DLK1: variants seen among roughly 807,000 people sequenced by gnomAD.
DLK1 encodes protein delta homolog 1.
In DLK1, 9 loss-of-function variants were observed where a neutral mutation model predicts 35.2. The ratio of observed to expected loss-of-function variants is 0.26; its 90% confidence interval spans 0.15 to 0.45. The LOEUF is 0.45. DLK1 is among the 20% of genes least tolerant of loss of function. DLK1 has a pLI of 1.00. For missense variants in DLK1, 522 were observed against 528.5 expected (o/e 0.99, Z 0.12); for synonymous variants, 231 against 228.4 (o/e 1.01, Z -0.10).
In DLK1 at chr14:100,732,171, G is replaced by A. The variant is rs768074229; in HGVS notation, c.392G>A (p.Cys131Tyr). The stretch of plus-strand genomic sequence containing the variant: ...GACTGCCAGAAAAAGGACGGGCCCT[G>A]TGTGATCAACGGGTAAATATCCTTC... Reference protein sequence around the residue: ...GKDCQKKDGPCVINGSPCQHG... With the variant: ...GKDCQKKDGPYVINGSPCQHG... Residue 131 changes from cysteine to tyrosine, a missense_variant, in exon 4 of 5, where the codon TGT becomes TAT. Coordinates refer to ENST00000341267, the MANE Select transcript of DLK1 (RefSeq NM_003836.7). 6.2e-7 allele frequency: 1 copy of A among 1,613,420 alleles called. No homozygotes were observed. Among genetic ancestry groups the A allele is most frequent in the South Asian group, 1.1e-5 (1 of 90,914 alleles).
chr14:100,729,678 A>C (rs960421618), intron 3 of DLK1, among the ~76,000 whole-genome samples: 9 of 152,214 alleles, frequency 5.9e-5, no homozygotes, highest in African/African-American at 2.2e-4. Context: ...GATTTCATTA[A>C]TTTATGCAAT....
At chr14:100,731,752 G>A (rs1233564208) in intron 3 of DLK1, among the ~76,000 whole-genome samples, 1 of 152,200 alleles carries the variant, frequency 6.6e-6, no homozygotes, top group East Asian at 1.9e-4. Flanking sequence ...GAACGTCACG[G>A]ACATGTCGCT....
intron 4 of DLK1, among the ~76,000 whole-genome samples, chr14:100,732,685 G>A (rs3783350): frequency 0.64 from 97,646 of 152,000 alleles, 33,461 homozygotes; most frequent in Middle Eastern, 0.79. Context: ...GCCAGCTGTC[G>A]GCTATCCTCA....
chr14:100,734,154 C>G lies in DLK1; in HGVS notation c.410C>G (p.Pro137Arg), dbSNP rs1469916444. Residue 137 changes from proline to arginine, a missense_variant, in exon 5 of 5, where the codon CCC becomes CGC. By Grantham distance (103) the Pro-to-Arg change is moderately radical (BLOSUM62 -2). Coordinates refer to ENST00000341267, the MANE Select transcript of DLK1 (RefSeq NM_003836.7). This position sits in a 1 kb window ranked among gnomAD's most constrained non-coding sequence, Gnocchi z 7.4. Reference sequence around the variant, plus strand: ...ATGTCCCTGTTGTGTTGCAGCTCCCCCTGCCAGCACGGAGGCACCTGCGTG... The same window carrying G: ...ATGTCCCTGTTGTGTTGCAGCTCCCGCTGCCAGCACGGAGGCACCTGCGTG... ...KDGPCVINGS[P>R]CQHGGTCVDD... 1.2e-6 allele frequency: 2 copies of G among 1,602,464 alleles called. No individual in the cohort carries two copies. The highest frequency in any genetic ancestry group is 3.4e-5 in the Admixed American group (2 of 59,050).
intron 3 of DLK1, 174 bp downstream of exon 3, chr14:100,729,240 C>T: frequency 7.0e-6 from 8 of 1,150,052 alleles, no homozygotes; most frequent in Non-Finnish European, 1.0e-5. Flanking sequence ...CCGAATGCCT[C>T]CTCAGAGGTA....
At chr14:100,729,343 G>A in intron 3 of DLK1, 1 of 644,340 alleles carries the variant, frequency 1.6e-6, no homozygotes, top group South Asian at 1.8e-5. Flanking sequence ...TGAATAAAGA[G>A]TCACAAAATA....
rs1206582571 is a variant in DLK1, at chr14:100,734,815, G to A, written c.1071G>A (p.Glu357=). 6.2e-7 allele frequency: 1 copy of A among 1,613,640 alleles called. No homozygotes were observed. Among genetic ancestry groups the A allele is most frequent in the Non-Finnish European group, 8.5e-7 (1 of 1,179,894 alleles). The change falls in exon 5 of 5, where the codon GAG becomes GAA. Residue 357 remains glutamate, a synonymous_variant. Coordinates refer to ENST00000341267, the MANE Select transcript of DLK1 (RefSeq NM_003836.7). This position sits in a 1 kb window ranked among gnomAD's most constrained non-coding sequence, Gnocchi z 7.4. ...KNLLLQYNSG[E]DLAVNIIFPE... is the part of the protein sequence containing the mutation. ...TGCTGCTTCAGTACAACAGCGGGGA[G>A]GACCTGGCCGTCAACATCATCTTCC...
chr14:100,734,834 A>G lies in DLK1; in HGVS notation c.1090A>G (p.Ile364Val). The change falls in exon 5 of 5, where the codon ATC becomes GTC. Residue 364 changes from isoleucine (I) to valine (V), a missense_variant. Ile to Val is a conservative substitution (Grantham distance 29, BLOSUM62 3). Transcript: ENST00000341267. This position sits in a 1 kb window ranked among gnomAD's most constrained non-coding sequence, Gnocchi z 7.4. ...NSGEDLAVNI[I>V]FPEKIDMTTF... ...CGGGGAGGACCTGGCCGTCAACATC[A>G]TCTTCCCCGAGAAGATCGACATGAC... 6.2e-7 allele frequency: 1 copy of G among 1,612,812 alleles called. No individual in the cohort carries two copies. Among genetic ancestry groups the G allele is most frequent in the Non-Finnish European group, 8.5e-7 (1 of 1,179,676 alleles).
At chr14:100,728,088 T>G (rs541139845) in intron 1 of DLK1, among the ~76,000 whole-genome samples, 1 of 152,254 alleles carries the variant, frequency 6.6e-6, no homozygotes, top group South Asian at 2.1e-4. Flanking sequence ...GTCCCCGCTG[T>G]TAGGAGGACT....
intron 4 of DLK1, among the ~76,000 whole-genome samples, chr14:100,732,967 C>A (rs2036526589): frequency 1.3e-5 from 2 of 152,284 alleles, no homozygotes; most frequent in Admixed American, 6.5e-5. Flanking sequence ...TCCCTTTCCT[C>A]TGAAGAAACA....
intron 1 of DLK1, among the ~76,000 whole-genome samples, chr14:100,728,030 G>A (rs968553485): frequency 6.6e-6 from 1 of 152,130 alleles, no homozygotes; most frequent in Non-Finnish European, 1.5e-5. Context: ...CAAAAGTGAC[G>A]GTCAGGCTGC....
intron 2 of DLK1, 40 bp downstream of exon 2, chr14:100,728,499 C>G: frequency 6.2e-7 from 1 of 1,609,870 alleles, no homozygotes; most frequent in Non-Finnish European, 8.5e-7. Flanking sequence ...GTAGGGGCCA[C>G]GCAGAAGCCT....
chr14:100,735,125 G>T lies in DLK1; in HGVS notation c.*229G>T. The T allele has an allele frequency of 2.4e-6, 1 of 416,630 alleles. No homozygotes were observed. The highest frequency in any genetic ancestry group is 4.1e-6 in the Non-Finnish European group (1 of 246,880). 25.8% of individuals were successfully genotyped at this position (416,630 alleles called of 1,614,324 possible). On this transcript the variant is annotated 3_prime_UTR_variant, in exon 5 of 5. Transcript: ENST00000341267. ...AATAATAAGAATTTCATCTTTAAATGAGTAAGAGAAATAAGTATGTTATTC... is the reference window on the plus strand; with the variant it reads ...AATAATAAGAATTTCATCTTTAAATTAGTAAGAGAAATAAGTATGTTATTC...
At position 100,728,531 on chromosome 14, in the gene DLK1, G is replaced by A. The variant is rs567513580; in HGVS notation, c.131+72G>A. The A allele has an allele frequency of 9.3e-6, 14 of 1,511,060 alleles. No individual in the cohort carries two copies. The South Asian group carries it at 1.3e-4, about 15-fold the overall frequency. The allele number at this position is 1,511,060 out of a possible 1,614,324, so 93.6% of individuals were successfully genotyped here. A position where few individuals can be genotyped will look rare whatever the true frequency, so the allele number is the denominator to read the frequency against. On this transcript the variant is annotated intron_variant, in intron 2 of 4. Coordinates refer to ENST00000341267, the MANE Select transcript of DLK1 (RefSeq NM_003836.7). ...GCCTGGGGAGTCGTGAAGTCAGGCA[G>A]AAAAAAATAGGGGGCTTGGCCACTA... is the stretch of plus-strand genomic sequence containing the variant.
In DLK1 at chr14:100,735,852, C is replaced by G. The variant is rs554810707; in HGVS notation, c.*956C>G. 8.5e-5 allele frequency: 13 copies of G among 152,260 alleles called. No individual in the cohort carries two copies. The East Asian group carries it at 2.3e-3, about 27-fold the overall frequency. 9.4% of individuals were successfully genotyped at this position (152,260 alleles called of 1,614,324 possible). A position where few individuals can be genotyped will look rare whatever the true frequency, so the allele number is the denominator to read the frequency against. Reference sequence around the variant, plus strand: ...GTGCCATCTGGAGTTGCCACTTAGGCAGCCAGCCCTCCCCCACCCCTCTTT... The same window carrying G: ...GTGCCATCTGGAGTTGCCACTTAGGGAGCCAGCCCTCCCCCACCCCTCTTT... On this transcript the variant is annotated 3_prime_UTR_variant, in exon 5 of 5. Coordinates refer to ENST00000341267, the MANE Select transcript of DLK1 (RefSeq NM_003836.7).
At chr14:100,732,405 C>T (rs1241466025) in intron 4 of DLK1, among the ~76,000 whole-genome samples, 1 of 152,248 alleles carries the variant, frequency 6.6e-6, no homozygotes, top group Non-Finnish European at 1.5e-5. Context: ...TCATATTCCC[C>T]TGATGTTCTC....
At chr14:100,731,778 TG>T (rs1232004530) in intron 3 of DLK1, among the ~76,000 whole-genome samples, 2 of 152,276 alleles carry the variant, frequency 1.3e-5, no homozygotes, top group Admixed American at 6.5e-5. Flanking sequence ...TGGGGTGACC[TG>T]GTGCCAGGCA....
In DLK1 at chr14:100,735,168, T is replaced by C. The variant is rs1204740297; in HGVS notation, c.*272T>C. On this transcript the variant is annotated 3_prime_UTR_variant, in exon 5 of 5. Coordinates refer to ENST00000341267, the MANE Select transcript of DLK1 (RefSeq NM_003836.7). Reference sequence around the variant, plus strand: ...TGTTATTCTAAAATCTAAACTCAAATGAAATTTCAAAAAAGACCAAAAAAA... The same window carrying C: ...TGTTATTCTAAAATCTAAACTCAAACGAAATTTCAAAAAAGACCAAAAAAA... 2.9e-6 allele frequency: 1 copy of C among 345,042 alleles called. No homozygotes were observed. Among genetic ancestry groups the C allele is most frequent in the Non-Finnish European group, 5.0e-6 (1 of 201,026 alleles). The allele number at this position is 345,042 out of a possible 1,614,324, so 21.4% of individuals were successfully genotyped here.
rs1286473884 is a variant in DLK1 at position 100,734,955 on chromosome 14, G to T, written c.*59G>T. 2 of 1,516,530 alleles carry T rather than the reference G, an allele frequency of 1.3e-6. No individual in the cohort carries two copies. The highest frequency in any genetic ancestry group is 4.2e-5 in the Admixed American group (2 of 48,012). The allele number at this position is 1,516,530 out of a possible 1,614,324, so 93.9% of individuals were successfully genotyped here. A position where few individuals can be genotyped will look rare whatever the true frequency, so the allele number is the denominator to read the frequency against. Reference sequence around the variant, plus strand: ...AGTTCCGCAGAGCTTACTATACGCGGTCTGTCCTAATCTTTGTGGTGTTCG... The same window carrying T: ...AGTTCCGCAGAGCTTACTATACGCGTTCTGTCCTAATCTTTGTGGTGTTCG... On this transcript the variant is annotated 3_prime_UTR_variant, in exon 5 of 5. Transcript: ENST00000341267. This position sits in a 1 kb window ranked among gnomAD's most constrained non-coding sequence, Gnocchi z 7.4.
Sources: gnomAD v4.1 joint callset for allele counts (sites outside exome capture counted in the v4.1 genomes callset) on GRCh38, gnomAD v4.1.1 for gene constraint, Gnocchi (gnomAD v3.1) non-coding constraint, MANE v1.5 for transcripts, NCBI Gene and HGNC (gene_info 2026-07-23, HGNC 2026-07-21) for gene names.